The following L3MBTL4 variants were observed in gnomAD, a reference collection of about 807,000 sequenced individuals.
The protein encoded by L3MBTL4 is lethal(3)malignant brain tumor-like protein 4.
A neutral mutation model predicts 84.5 loss-of-function variants in L3MBTL4; 70 were observed. The observed-to-expected ratio is 0.83, with a 90% CI of 0.68 to 1.01. The LOEUF (loss-of-function observed/expected upper bound fraction) is 1.01, where lower values mean the gene tolerates loss of function less well. Ranked by LOEUF, L3MBTL4 falls within the 50% of genes least tolerant of loss-of-function variation. The probability of loss-of-function intolerance (pLI) is 0.00; values close to 1 mark genes in which losing one functional copy is unlikely to be tolerated. For synonymous variants in L3MBTL4, 274 were observed against 259.8 expected (o/e 1.05, Z -0.52); for missense variants, 715 against 754.8 (o/e 0.95, Z 0.62).
chr18:6,260,786 T>G (rs2048364596), intron 5 of L3MBTL4: 1 of 152,204 alleles, frequency 6.6e-6, no homozygotes, highest in South Asian at 2.1e-4. Flanking sequence ...CTGAACAACA[T>G]TATACTAATA....
intron 1 of L3MBTL4, among the ~76,000 whole-genome samples, chr18:6,372,544 C>A (rs2054198431): frequency 6.6e-6 from 1 of 152,182 alleles, no homozygotes; most frequent in Non-Finnish European, 1.5e-5. Flanking sequence ...TCATTTTCCT[C>A]TTTTCAATAT....
intron 14 of L3MBTL4, among the ~76,000 whole-genome samples, chr18:6,133,333 TCA>T (rs71699994): frequency 0.15 from 21,510 of 145,620 alleles, 1,610 homozygotes; most frequent in Middle Eastern, 0.22. Flanking sequence ...CAGCTCTAGA[TCA>T]CACACACACA....
chr18:6,072,098 G>A (rs1041878276), intron 16 of L3MBTL4, among the ~76,000 whole-genome samples: 1 of 152,090 alleles, frequency 6.6e-6, no homozygotes, highest in African/African-American at 2.4e-5. Context: ...AATGTTGAAG[G>A]GTCAATTGAT....
At chr18:6,242,190 C>A (rs1044856017) in intron 7 of L3MBTL4, among the ~76,000 whole-genome samples, 1 of 152,174 alleles carries the variant, frequency 6.6e-6, no homozygotes, top group Non-Finnish European at 1.5e-5. Flanking sequence ...CACCTGGGCG[C>A]TTCTCTGCTG....
chr18:5,978,987 CTA>C (rs2053086471), intron 16 of L3MBTL4, among the ~76,000 whole-genome samples: 1 of 152,156 alleles, frequency 6.6e-6, no homozygotes, highest in African/African-American at 2.4e-5. Flanking sequence ...ACACCATATT[CTA>C]TTTGTTTTTG....
chr18:6,376,156 G>GT (rs1056646401), intron 1 of L3MBTL4, among the ~76,000 whole-genome samples: 270 of 152,172 alleles, frequency 1.8e-3, no homozygotes, highest in African/African-American at 6.0e-3. Context: ...CCCTCCCACT[G>GT]TCCCCAGAGG....
At chr18:6,014,179 T>C (rs909541216) in intron 16 of L3MBTL4, among the ~76,000 whole-genome samples, 3 of 152,210 alleles carry the variant, frequency 2.0e-5, no homozygotes, top group African/African-American at 4.8e-5. Flanking sequence ...TTAAAGGTGC[T>C]GTATAAAGAT....
At chr18:6,357,440 G>GT (rs2053496211) in intron 1 of L3MBTL4, among the ~76,000 whole-genome samples, 1 of 152,024 alleles carries the variant, frequency 6.6e-6, no homozygotes, top group South Asian at 2.1e-4. Flanking sequence ...TTTAATTTTG[G>GT]TATCTTTTCT....
intron 1 of L3MBTL4, among the ~76,000 whole-genome samples, chr18:6,357,690 T>A (rs1319567435): frequency 1.3e-5 from 2 of 152,062 alleles, no homozygotes; most frequent in African/African-American, 2.4e-5. Flanking sequence ...AAAAAAACAA[T>A]ATCATTTGAG....
chr18:6,109,459 A>G (rs1598776700), intron 14 of L3MBTL4, among the ~76,000 whole-genome samples: 1 of 152,162 alleles, frequency 6.6e-6, no homozygotes, highest in East Asian at 1.9e-4. Flanking sequence ...TGGGTGACAC[A>G]GTAGCTGTCC....
intron 16 of L3MBTL4, among the ~76,000 whole-genome samples, chr18:6,024,934 T>G (rs1430236536): frequency 6.6e-6 from 1 of 152,202 alleles, no homozygotes. Context: ...CTACGCCTCC[T>G]GCATTTAGCT....
chr18:6,315,303 G>A (rs1370611158), intron 1 of L3MBTL4, among the ~76,000 whole-genome samples: 2 of 152,112 alleles, frequency 1.3e-5, no homozygotes, highest in East Asian at 1.9e-4. Context: ...GTTGATACTC[G>A]ATGTTAATAA....
At chr18:6,086,907 C>G (rs1428604844) in intron 15 of L3MBTL4, among the ~76,000 whole-genome samples, 1 of 152,168 alleles carries the variant, frequency 6.6e-6, no homozygotes, top group Non-Finnish European at 1.5e-5. Context: ...AGCAGCAGCT[C>G]CACACATACT....
At chr18:6,236,102 C>G (rs1481847790) in intron 10 of L3MBTL4, among the ~76,000 whole-genome samples, 1 of 152,012 alleles carries the variant, frequency 6.6e-6, no homozygotes, top group East Asian at 1.9e-4. Flanking sequence ...TTCTAAAATT[C>G]AGATAGAAAT....
chr18:5,956,393 A>G lies in L3MBTL4; in HGVS notation c.1678-6T>C. On this transcript the variant is annotated splice_region_variant and splice_polypyrimidine_tract_variant and intron_variant, in intron 18 of 18. Transcript: ENST00000317931. ...AAGGCTTTGCCATCGATCTGCTGCA[A>G]ATACATAAATAGACACAAATAAAAA... 1 of 1,613,164 alleles carries G rather than the reference A, an allele frequency of 6.2e-7. No homozygotes were observed. The highest frequency in any genetic ancestry group is 8.5e-7 in the Non-Finnish European group (1 of 1,179,662).
At chr18:6,227,925 C>T (rs945220337) in intron 10 of L3MBTL4, among the ~76,000 whole-genome samples, 29 of 152,190 alleles carry the variant, frequency 1.9e-4, no homozygotes, top group African/African-American at 6.7e-4. Flanking sequence ...CCTTGGCCTC[C>T]CAAGATGCTG....
chr18:6,392,102 T>C (rs775515283), intron 1 of L3MBTL4, among the ~76,000 whole-genome samples: 2 of 152,162 alleles, frequency 1.3e-5, no homozygotes, highest in African/African-American at 2.4e-5. Flanking sequence ...CTTCAAATTA[T>C]ACTATAAGTC....
At chr18:6,071,693 GA>G (rs2057616384) in intron 16 of L3MBTL4, among the ~76,000 whole-genome samples, 1 of 97,392 alleles carries the variant, frequency 1.0e-5, no homozygotes, top group Non-Finnish European at 1.8e-5. Flanking sequence ...GAGAAAGAAA[GA>G]AAGAAAGAAA....
intron 1 of L3MBTL4, among the ~76,000 whole-genome samples, chr18:6,412,947 C>T (rs1386751986): frequency 6.6e-6 from 1 of 151,928 alleles, no homozygotes; most frequent in Non-Finnish European, 1.5e-5. Flanking sequence ...AGAAAATTAG[C>T]CAGGCATGGT....
Sources: gnomAD v4.1 joint callset for allele counts (sites outside exome capture counted in the v4.1 genomes callset) on GRCh38, gnomAD v4.1.1 for gene constraint, MANE v1.5 for transcripts, NCBI Gene and HGNC (gene_info 2026-07-23, HGNC 2026-07-21) for gene names.